The following CAMSAP1 variants were observed in gnomAD, a reference collection of about 807,000 sequenced individuals.
CAMSAP1 encodes calmodulin-regulated spectrin-associated protein 1.
In CAMSAP1, 58 loss-of-function variants were observed where a neutral mutation model predicts 143.5. The observed-to-expected ratio is 0.40, with a 90% CI of 0.33 to 0.50. The LOEUF (loss-of-function observed/expected upper bound fraction) is 0.50. Ranked by LOEUF, CAMSAP1 falls within the 20% of genes least tolerant of loss-of-function variation. The pLI, the probability that CAMSAP1 is intolerant of heterozygous loss-of-function variation, is 0.45. For missense variants in CAMSAP1, 1,969 were observed against 2,115.7 expected (o/e 0.93, Z 1.36); for synonymous variants, 945 against 859.3 (o/e 1.10, Z -1.74).
intron 7 of CAMSAP1, chr9:135,836,487 TAC>T: frequency 1.0e-6 from 1 of 981,386 alleles, no homozygotes; most frequent in Non-Finnish European, 1.2e-6. Flanking sequence ...TACCCTGTTC[TAC>T]AGACACACAT....
Position 135,822,151 on chromosome 9 carries a change from G to C in CAMSAP1, c.2510C>G (p.Ser837Cys). 1 of 1,613,534 alleles carries C rather than the reference G, an allele frequency of 6.2e-7. No homozygotes were observed. Among genetic ancestry groups the C allele is most frequent in the Non-Finnish European group, 8.5e-7 (1 of 1,179,896 alleles). The part of the protein sequence containing the change: ...SCETKSSTSS[S>C]QKTTPDASES... The stretch of plus-strand genomic sequence containing the variant: ...AGACGCATCTGGCGTGGTCTTCTGG[G>C]AGCTGCTGGTGCTGGACTTGGTCTC... Residue 837 changes from serine to cysteine, a missense_variant, in exon 11 of 17, where the codon TCC (serine) becomes TGC (cysteine). Around this residue, in one of 4 missense-constraint regions of CAMSAP1, gnomAD observed 1,390 missense variants for 1,420.8 expected, o/e 0.98. Coordinates refer to ENST00000389532, the MANE Select transcript of CAMSAP1 (RefSeq NM_015447.4). The surrounding 1 kb of genome is among the most constrained non-coding windows in gnomAD (Gnocchi z 6.1).
At chr9:135,817,582 G>A (rs1057115904) in intron 14 of CAMSAP1, among the ~76,000 whole-genome samples, 3 of 151,516 alleles carry the variant, frequency 2.0e-5, no homozygotes, top group African/African-American at 7.3e-5. Context: ...TTTTTGTAGA[G>A]ATGGGGGGGT....
chr9:135,821,390 G>C lies in CAMSAP1; in HGVS notation c.3271C>G (p.Pro1091Ala), dbSNP rs769330301. 2.5e-6 allele frequency: 4 copies of C among 1,613,780 alleles called. No homozygotes were observed. Among genetic ancestry groups the C allele is most frequent in the Non-Finnish European group, 8.5e-7 (1 of 1,179,838 alleles). ...GAATTCCGGCCTTGACCCAGCCGGG[G>C]GGCTTTGCGGTGGCCAGCCACGCCC... ...PTGVAGHRKA[P>A]RLGQGRNSRS... is the part of the protein sequence containing the mutation. Residue 1091 changes from proline to alanine, a missense_variant, in exon 11 of 17, where the codon CCC (proline) becomes GCC (alanine). Coordinates refer to ENST00000389532, the MANE Select transcript of CAMSAP1 (RefSeq NM_015447.4). This position sits in a 1 kb window ranked among gnomAD's most constrained non-coding sequence, Gnocchi z 4.6.
intron 7 of CAMSAP1, among the ~76,000 whole-genome samples, chr9:135,829,191 C>G (rs1435903980): frequency 6.6e-6 from 1 of 152,194 alleles, no homozygotes; most frequent in Non-Finnish European, 1.5e-5. Context: ...AGATACATCG[C>G]TTTTAATTCC....
chr9:135,836,943 G>A lies in CAMSAP1; in HGVS notation c.1046-9359C>T, dbSNP rs1051691004. ...CCACACACTTTCTACCCGTTCTACA[G>A]ACACACGTCACCACACACTTTCTAC... is the stretch of plus-strand genomic sequence containing the variant. On this transcript the variant is annotated intron_variant, in intron 7 of 16. Coordinates refer to ENST00000389532, the MANE Select transcript of CAMSAP1 (RefSeq NM_015447.4). 10 of 982,126 alleles carry A rather than the reference G, an allele frequency of 1.0e-5. No individual in the cohort carries two copies. In the African/African-American group the frequency reaches 1.4e-4, roughly 14 times the overall value. The allele number at this position is 982,126 out of a possible 1,614,324, so 60.8% of individuals were successfully genotyped here. A position where few individuals can be genotyped will look rare whatever the true frequency, so the allele number is the denominator to read the frequency against.
At chr9:135,836,432 A>G in intron 7 of CAMSAP1, 1 of 982,942 alleles carries the variant, frequency 1.0e-6, no homozygotes. Context: ...ACACGTCACC[A>G]CACACTTTCT....
chr9:135,828,720 A>C (rs955499107), intron 7 of CAMSAP1, among the ~76,000 whole-genome samples: 2 of 152,198 alleles, frequency 1.3e-5, no homozygotes, highest in South Asian at 4.1e-4. Context: ...GATGATACAG[A>C]TCTCTCTCTC....
In CAMSAP1 at chr9:135,896,488, A is replaced by G. The variant is rs200878225; in HGVS notation, c.160+10512T>C. On this transcript the variant is annotated intron_variant, in intron 1 of 16. Coordinates refer to ENST00000389532, the MANE Select transcript of CAMSAP1 (RefSeq NM_015447.4). ...CAGAATTACTAGACATAAAATCAAC[A>G]AAGATATAAATCAGAACACAACCAA... 3.3e-5 allele frequency among the ~76,000 whole-genome samples: 5 copies of G among 152,376 alleles called. No individual in the cohort carries two copies. In the East Asian group the frequency reaches 5.8e-4, roughly 18 times the overall value.
Position 135,811,387 on chromosome 9 carries a change from C to T in CAMSAP1, c.4731G>A (p.Val1577=), listed in dbSNP as rs776316813. The change falls in exon 17 of 17, where the codon GTG becomes GTA. Residue 1577 remains valine (V), a synonymous_variant. Coordinates refer to ENST00000389532, the MANE Select transcript of CAMSAP1 (RefSeq NM_015447.4). This position sits in a 1 kb window ranked among gnomAD's most constrained non-coding sequence, Gnocchi z 4.9. ...GGTGGTTGTGGATTGTGAGTGCGTCCACACTGACAGACATGGTTTTGGCTG... is the reference window on the plus strand; with the variant it reads ...GGTGGTTGTGGATTGTGAGTGCGTCTACACTGACAGACATGGTTTTGGCTG... The part of the protein sequence containing the change: ...LIPAKTMSVS[V]DALTIHNHLW... 1 of 1,612,936 alleles carries T rather than the reference C, an allele frequency of 6.2e-7. No individual in the cohort carries two copies. The highest frequency in any genetic ancestry group is 8.5e-7 in the Non-Finnish European group (1 of 1,179,448).
chr9:135,885,371 TCTC>T (rs568868647), intron 1 of CAMSAP1, among the ~76,000 whole-genome samples: 152 of 152,198 alleles, frequency 1.0e-3, no homozygotes, highest in Non-Finnish European at 1.5e-3. Flanking sequence ...CAAGCCACCC[TCTC>T]CTCCCACTTA....
intron 3 of CAMSAP1, among the ~76,000 whole-genome samples, chr9:135,875,133 C>G (rs1450572554): frequency 6.6e-6 from 1 of 151,960 alleles, no homozygotes; most frequent in Admixed American, 6.5e-5. Context: ...AAAATCCCAG[C>G]AAGTATTCTT....
At chr9:135,836,406 C>G in intron 7 of CAMSAP1, 1 of 984,782 alleles carries the variant, frequency 1.0e-6, no homozygotes, top group Non-Finnish European at 1.2e-6. Flanking sequence ...CACGCTTTTT[C>G]TACTCCGTTC....
intron 1 of CAMSAP1, among the ~76,000 whole-genome samples, chr9:135,905,433 TA>T (rs1180974547): frequency 6.6e-6 from 1 of 152,102 alleles, no homozygotes; most frequent in Non-Finnish European, 1.5e-5. Flanking sequence ...TCTCCACATA[TA>T]AAATCTTAAA....
intron 7 of CAMSAP1, among the ~76,000 whole-genome samples, chr9:135,838,577 C>T (rs1836214821): frequency 1.3e-5 from 2 of 149,582 alleles, no homozygotes; most frequent in Admixed American, 1.3e-4. Flanking sequence ...CTTCTACAGA[C>T]ACACATCATC....
chr9:135,867,489 TAA>T (rs140462483), intron 3 of CAMSAP1, among the ~76,000 whole-genome samples: 7 of 142,612 alleles, frequency 4.9e-5, no homozygotes, highest in African/African-American at 1.5e-4. Flanking sequence ...TTTTTTTTTT[TAA>T]AAAAAAAGTC....
At chr9:135,867,292 G>T (rs533035955) in intron 3 of CAMSAP1, among the ~76,000 whole-genome samples, 2 of 152,216 alleles carry the variant, frequency 1.3e-5, no homozygotes, top group East Asian at 3.9e-4. Context: ...CAATCAATGA[G>T]AAAGTAGAAG....
At position 135,836,055 on chromosome 9, in the gene CAMSAP1, G is replaced by A. The variant is rs929011610; in HGVS notation, c.1046-8471C>T. The A allele has an allele frequency of 4.2e-6, 4 of 950,362 alleles. No homozygotes were observed. In the Admixed American group the frequency reaches 1.8e-4, roughly 44 times the overall value. 58.9% of individuals were successfully genotyped at this position (950,362 alleles called of 1,614,324 possible). On this transcript the variant is annotated intron_variant, in intron 7 of 16. Coordinates refer to ENST00000389532, the MANE Select transcript of CAMSAP1 (RefSeq NM_015447.4). Reference sequence around the variant, plus strand: ...ACAGACTCAAAAAACAGCTTTTTCAGAGCTTCTCTTATCCGACCAGGGGCA... The same window carrying A: ...ACAGACTCAAAAAACAGCTTTTTCAAAGCTTCTCTTATCCGACCAGGGGCA...
intron 3 of CAMSAP1, among the ~76,000 whole-genome samples, chr9:135,875,899 C>T (rs918271701): frequency 6.6e-6 from 1 of 152,160 alleles, no homozygotes. Context: ...CTATAAGACA[C>T]AAAAGGACAA....
intron 7 of CAMSAP1, among the ~76,000 whole-genome samples, chr9:135,830,630 C>A (rs1835827971): frequency 6.6e-6 from 1 of 152,124 alleles, no homozygotes; most frequent in African/African-American, 2.4e-5. Flanking sequence ...AATATCCAGA[C>A]AGGATATTTA....
Sources: allele counts gnomAD v4.1 joint callset (sites outside exome capture counted in the v4.1 genomes callset), GRCh38; gene constraint gnomAD v4.1.1; regional missense constraint gnomAD v4.1.1; non-coding constraint Gnocchi (gnomAD v3.1); transcripts MANE v1.5; gene names NCBI Gene and HGNC (gene_info 2026-07-23, HGNC 2026-07-21).